TNFRSF11A: variants seen among roughly 807,000 people sequenced by gnomAD.
TNFRSF11A encodes TNF receptor superfamily member 11a, also known as tumor necrosis factor receptor superfamily member 11A.
A neutral mutation model predicts 55.7 loss-of-function variants in TNFRSF11A; 32 were observed. The observed-to-expected ratio is 0.57, with a 90% CI of 0.43 to 0.77. The LOEUF is 0.77. Among genes scored for constraint, TNFRSF11A ranks in the 30% least tolerant of loss-of-function variants. The pLI, the probability that TNFRSF11A is intolerant of heterozygous loss-of-function variation, is 0.00. For missense variants in TNFRSF11A, 753 were observed against 809.8 expected (o/e 0.93, Z 0.85); for synonymous variants, 311 against 331.0 (o/e 0.94, Z 0.65).
At position 62,375,082 on chromosome 18, in the gene TNFRSF11A, TGTG is replaced by T. The variant is rs146599683; in HGVS notation, c.1567+5599_1567+5601del. Among the ~76,000 whole-genome samples the T allele has an allele frequency of 8.4e-4, 125 of 148,596 alleles. 1 individual carries two copies. Among genetic ancestry groups the T allele is most frequent in the Non-Finnish European group, 9.5e-4 (64 of 67,286 alleles). On this transcript the variant is annotated intron_variant, in intron 9 of 9. Transcript: ENST00000586569. ...ACCACACCCTGCTAATTTTTGTGTG[TGTG>T]TTTTTTTTTTTTTAGAGACTGAGTT...
rs1419208502 is a variant in TNFRSF11A, at chr18:62,390,879, C to T, written c.*5845C>T. 1 of 152,118 alleles carries T rather than the reference C, an allele frequency of 6.6e-6. No homozygotes were observed. Among genetic ancestry groups the T allele is most frequent in the African/African-American group, 2.4e-5 (1 of 41,412 alleles). 9.4% of individuals were successfully genotyped at this position (152,118 alleles called of 1,614,324 possible). On this transcript the variant is annotated 3_prime_UTR_variant, in exon 10 of 10. Transcript: ENST00000586569. ...TCGGGTCTATTGAGTTTGTTATATA[C>T]AGTAAAATTCACCCTTTTTAGATAT... is the stretch of plus-strand genomic sequence containing the variant.
chr18:62,361,860 A>C, intron 7 of TNFRSF11A, 67 bp downstream of exon 7: 1 of 1,394,836 alleles, frequency 7.2e-7, no homozygotes, highest in East Asian at 2.3e-5. Context: ...AATGCTTTGG[A>C]AGTTGAGTAG....
intron 7 of TNFRSF11A, among the ~76,000 whole-genome samples, chr18:62,363,941 T>G (rs1909885915): frequency 6.6e-6 from 1 of 152,184 alleles, no homozygotes; most frequent in Non-Finnish European, 1.5e-5. Context: ...TCCATACATG[T>G]TTATTGATCA....
intron 1 of TNFRSF11A, among the ~76,000 whole-genome samples, chr18:62,341,221 T>G (rs937676251): frequency 6.6e-6 from 1 of 152,224 alleles, no homozygotes; most frequent in East Asian, 1.9e-4. Flanking sequence ...AGAAAAGCAC[T>G]GAAATGACTC....
intron 1 of TNFRSF11A, among the ~76,000 whole-genome samples, chr18:62,346,961 A>T (rs753849481): frequency 2.0e-5 from 3 of 152,148 alleles, no homozygotes; most frequent in Non-Finnish European, 4.4e-5. Context: ...TGAACTGCTC[A>T]TATTGTCCAA....
chr18:62,361,025 C>T (rs979881063), intron 6 of TNFRSF11A, among the ~76,000 whole-genome samples: 5 of 152,102 alleles, frequency 3.3e-5, no homozygotes, highest in Non-Finnish European at 7.4e-5. Context: ...TCAGAGCAAA[C>T]TTTTTTAAAG....
Position 62,385,130 on chromosome 18 carries a change from C to T in TNFRSF11A, c.*96C>T, listed in dbSNP as rs976596062. On this transcript the variant is annotated 3_prime_UTR_variant, in exon 10 of 10. Transcript: ENST00000586569. Reference sequence around the variant, plus strand: ...CAGCCCCGGCCACCCAGGGATCGATCGGTACAGTCGAGGAAGACCACCCGG... The same window carrying T: ...CAGCCCCGGCCACCCAGGGATCGATTGGTACAGTCGAGGAAGACCACCCGG... 7.6e-7 allele frequency: 1 copy of T among 1,314,740 alleles called. No individual in the cohort carries two copies. Among genetic ancestry groups the T allele is most frequent in the Non-Finnish European group, 9.8e-7 (1 of 1,022,880 alleles). The allele number at this position is 1,314,740 out of a possible 1,614,324, so 81.4% of individuals were successfully genotyped here. A position where few individuals can be genotyped will look rare whatever the true frequency, so the allele number is the denominator to read the frequency against.
chr18:62,350,743 C>G (rs747487798), intron 3 of TNFRSF11A, among the ~76,000 whole-genome samples: 1 of 152,152 alleles, frequency 6.6e-6, no homozygotes, highest in Non-Finnish European at 1.5e-5. Flanking sequence ...ATCTCCTTAC[C>G]AGACTGTCTT....
At chr18:62,365,431 T>C (rs889947115) in intron 7 of TNFRSF11A, among the ~76,000 whole-genome samples, 2 of 152,236 alleles carry the variant, frequency 1.3e-5, no homozygotes, top group African/African-American at 4.8e-5. Flanking sequence ...TTTGAACATA[T>C]TCTTCTTTCT....
chr18:62,384,471 C>T (rs993611902), intron 9 of TNFRSF11A, among the ~76,000 whole-genome samples: 2 of 148,734 alleles, frequency 1.3e-5, no homozygotes, highest in Non-Finnish European at 3.0e-5. Flanking sequence ...TAGCCCTCTC[C>T]TCCCCCTTCC....
At position 62,348,968 on chromosome 18, in the gene TNFRSF11A, G is replaced by A. The variant is rs189798480; in HGVS notation, c.157+719G>A. 2.9e-3 allele frequency among the ~76,000 whole-genome samples: 436 copies of A among 152,286 alleles called. 4 individuals are homozygous for A. The South Asian group carries it at 0.034, about 12-fold the overall frequency. ...GGCGCAGCGTGACACTTGGTCAAAC[G>A]AAGCTAACCATGAGCCGGTAGTAAG... On this transcript the variant is annotated intron_variant, in intron 2 of 9. Transcript: ENST00000586569.
At chr18:62,335,143 T>TG (rs1458290443) in intron 1 of TNFRSF11A, among the ~76,000 whole-genome samples, 2 of 151,384 alleles carry the variant, frequency 1.3e-5, no homozygotes, top group African/African-American at 2.4e-5. Context: ...TTTTTTTTTT[T>TG]TTGTTACCCA....
intron 4 of TNFRSF11A, 150 bp from the exon 5 acceptor site, chr18:62,358,098 C>T (rs1480592398): frequency 7.1e-6 from 5 of 707,214 alleles, no homozygotes; most frequent in Non-Finnish European, 1.2e-5. Flanking sequence ...AAGTTAGACA[C>T]AGGGGTGGGC....
chr18:62,380,807 T>A (rs34083336), intron 9 of TNFRSF11A, among the ~76,000 whole-genome samples: 26,778 of 141,614 alleles, frequency 0.19, 3,195 homozygotes, highest in Non-Finnish European at 0.28. Flanking sequence ...ATAATATTCT[T>A]TTTTTTTTTT....
intron 9 of TNFRSF11A, among the ~76,000 whole-genome samples, chr18:62,381,242 G>GT (rs1911264980): frequency 1.3e-5 from 2 of 152,148 alleles, no homozygotes; most frequent in African/African-American, 4.8e-5. Flanking sequence ...GAATATTTAG[G>GT]TTATCAGTAT....
At chr18:62,381,051 A>G (rs2145392797) in intron 9 of TNFRSF11A, among the ~76,000 whole-genome samples, 1 of 152,056 alleles carries the variant, frequency 6.6e-6, no homozygotes, top group East Asian at 1.9e-4. Context: ...GCATTCACCC[A>G]CTTCGGCCTC....
chr18:62,333,162 G>A (rs2046179861), intron 1 of TNFRSF11A, among the ~76,000 whole-genome samples: 1 of 152,190 alleles, frequency 6.6e-6, no homozygotes, highest in East Asian at 1.9e-4. Flanking sequence ...AGCTGGGAAA[G>A]TCCTGGAGGC....
Position 62,364,640 on chromosome 18 carries a change from G to A in TNFRSF11A, c.731-2068G>A, listed in dbSNP as rs183423093. 1.5e-3 allele frequency among the ~76,000 whole-genome samples: 234 copies of A among 152,248 alleles called. 1 individual carries two copies. The highest frequency in any genetic ancestry group is 1.9e-3 in the Non-Finnish European group (130 of 68,012). On this transcript the variant is annotated intron_variant, in intron 7 of 9. Coordinates refer to ENST00000586569, the MANE Select transcript of TNFRSF11A (RefSeq NM_003839.4). The stretch of plus-strand genomic sequence containing the variant: ...CAACTGTCCTTTTCTCTTTTGGTGG[G>A]GGGTAGGGAGGGCGTGGTTTACCTT...
At chr18:62,359,166 G>A (rs1292490510) in intron 5 of TNFRSF11A, among the ~76,000 whole-genome samples, 1 of 152,094 alleles carries the variant, frequency 6.6e-6, no homozygotes, top group Non-Finnish European at 1.5e-5. Flanking sequence ...CAGGAGGTTT[G>A]CTTGAGCCCA....
Sources: gnomAD v4.1 joint callset for allele counts (sites outside exome capture counted in the v4.1 genomes callset) on GRCh38, gnomAD v4.1.1 for gene constraint, MANE v1.5 for transcripts, NCBI Gene and HGNC (gene_info 2026-07-23, HGNC 2026-07-21) for gene names.